The following P4HA3 variants were observed in gnomAD, a reference collection of about 807,000 sequenced individuals.
P4HA3 encodes the protein prolyl 4-hydroxylase subunit alpha-3.
Under a neutral mutation model 66.7 loss-of-function variants are expected in P4HA3, and 60 were observed. The ratio of observed to expected loss-of-function variants is 0.90; its 90% CI spans 0.73 to 1.12. The LOEUF (loss-of-function observed/expected upper bound fraction) is 1.12, where lower values mean the gene tolerates loss of function less well. Among genes scored for constraint, P4HA3 ranks in the 50% most tolerant of loss-of-function variants. The pLI, the probability that P4HA3 is intolerant of heterozygous loss-of-function variation, is 0.00. For missense variants in P4HA3, 683 were observed against 685.8 expected, an observed-to-expected ratio of 1.00 and a Z score of 0.05; for synonymous variants, 263 against 274.6, an observed-to-expected ratio of 0.96 and a Z score of 0.42.
chr11:74,268,242 C>A lies in P4HA3; in HGVS notation c.1468-1G>T, dbSNP rs1215271969. On this transcript the variant is annotated splice_acceptor_variant, in intron 11 of 12. Transcript: ENST00000331597. LOFTEE classifies it high-confidence loss of function. ...GGTTCCACCAAAACAGTGCTGCATT[C>A]TGAAACAAGAGGGCCCAGCCCCAGG... 3.7e-6 allele frequency: 6 copies of A among 1,612,926 alleles called. No homozygotes were observed. The highest frequency in any genetic ancestry group is 5.1e-6 in the Non-Finnish European group (6 of 1,179,556).
intron 9 of P4HA3, among the ~76,000 whole-genome samples, chr11:74,276,124 G>C (rs1297291742): frequency 6.6e-6 from 1 of 152,164 alleles, no homozygotes; most frequent in East Asian, 1.9e-4. Flanking sequence ...CATAAAGATG[G>C]AGGTAACAAA....
At chr11:74,277,200 G>A in intron 8 of P4HA3, 56 bp from the exon 9 acceptor site, 2 of 1,554,008 alleles carry the variant, frequency 1.3e-6, no homozygotes, top group Non-Finnish European at 8.8e-7. Flanking sequence ...ATGACTAAAT[G>A]ACGTCTCTGA....
At chr11:74,270,675 T>C (rs989280642) in intron 10 of P4HA3, among the ~76,000 whole-genome samples, 2 of 152,172 alleles carry the variant, frequency 1.3e-5, no homozygotes, top group African/African-American at 4.8e-5. Flanking sequence ...CTTCACATTT[T>C]ACAGATAAAG....
At chr11:74,304,492 T>G in intron 1 of P4HA3, 80 bp from the exon 2 acceptor site, 6 of 1,487,988 alleles carry the variant, frequency 4.0e-6, no homozygotes, top group Non-Finnish European at 5.5e-6. Context: ...GTGTGTACAT[T>G]AAGAGTAGCT....
chr11:74,296,242 C>T (rs912827536), intron 4 of P4HA3, among the ~76,000 whole-genome samples: 3 of 152,158 alleles, frequency 2.0e-5, no homozygotes, highest in African/African-American at 7.2e-5. Context: ...AACTGAGGCC[C>T]AGGGAAGCTA....
intron 9 of P4HA3, among the ~76,000 whole-genome samples, chr11:74,276,738 G>A (rs913103223): frequency 1.3e-5 from 2 of 152,138 alleles, no homozygotes; most frequent in East Asian, 1.9e-4. Context: ...GGAGCAGTCC[G>A]ATGATTCCAT....
At position 74,269,724 on chromosome 11, in the gene P4HA3, C is replaced by T. The variant is rs1425353602; in HGVS notation, c.1399-4G>A. On this transcript the variant is annotated splice_polypyrimidine_tract_variant and splice_region_variant and intron_variant, in intron 10 of 12. Transcript: ENST00000331597. ...CTCCAGCTTCCACCGAGCTCAGCTA[C>T]AAGACCAGAGGAAGAAGCCAGAGTT... is the stretch of plus-strand genomic sequence containing the variant. 1 of 1,613,830 alleles carries T rather than the reference C, an allele frequency of 6.2e-7. No homozygotes were observed. The highest frequency in any genetic ancestry group is 1.3e-5 in the African/African-American group (1 of 75,048).
At chr11:74,282,047 G>A (rs1473491187) in intron 7 of P4HA3, among the ~76,000 whole-genome samples, 1 of 150,952 alleles carries the variant, frequency 6.6e-6, no homozygotes, top group African/African-American at 2.4e-5. Flanking sequence ...TGTCCCTGGT[G>A]TCCTGTCCTG....
intron 10 of P4HA3, among the ~76,000 whole-genome samples, chr11:74,272,174 G>A (rs140041028): frequency 1.4e-3 from 219 of 151,852 alleles, no homozygotes; most frequent in Non-Finnish European, 2.7e-3. Context: ...AAATGCACAT[G>A]CATGCACACA....
At chr11:74,302,063 T>C (rs564811695) in intron 3 of P4HA3, among the ~76,000 whole-genome samples, 7 of 152,140 alleles carry the variant, frequency 4.6e-5, no homozygotes, top group Non-Finnish European at 8.8e-5. Context: ...CTAGCATAAT[T>C]AATAACACCC....
chr11:74,298,137 C>T, intron 4 of P4HA3, 75 bp downstream of exon 4: 1 of 1,518,848 alleles, frequency 6.6e-7, no homozygotes, highest in Non-Finnish European at 8.9e-7. Context: ...CATGAAAATA[C>T]TTAGAAATTG....
At position 74,267,134 on chromosome 11, in the gene P4HA3, T is replaced by G. The variant is rs1332439748; in HGVS notation, c.*114A>C. 1 of 1,564,736 alleles carries G rather than the reference T, an allele frequency of 6.4e-7. No individual in the cohort carries two copies. The highest frequency in any genetic ancestry group is 8.6e-7 in the Non-Finnish European group (1 of 1,158,308). On this transcript the variant is annotated 3_prime_UTR_variant, in exon 13 of 13. Coordinates refer to ENST00000331597, the MANE Select transcript of P4HA3 (RefSeq NM_182904.5). ...CTGATTTGCGAGGCACAGACAAAGC[T>G]GACAAGGCCTTCTTCCAGGAGGCTG...
intron 12 of P4HA3, 87 bp downstream of exon 12, chr11:74,268,058 A>T (rs767662357): frequency 1.1e-5 from 13 of 1,144,376 alleles, no homozygotes; most frequent in Non-Finnish European, 1.7e-5. Context: ...TTGGAATGGG[A>T]TGGCTGTGGT....
rs1180247134 is a variant in P4HA3 at position 74,267,084 on chromosome 11, C to T, written c.*164G>A. The T allele has an allele frequency of 2.0e-6, 3 of 1,538,242 alleles. No individual in the cohort carries two copies. Among genetic ancestry groups the T allele is most frequent in the Non-Finnish European group, 2.6e-6 (3 of 1,147,266 alleles). On this transcript the variant is annotated 3_prime_UTR_variant, in exon 13 of 13. Coordinates refer to ENST00000331597, the MANE Select transcript of P4HA3 (RefSeq NM_182904.5). ...GATCAAATGTACATTCTCAGTGTCC[C>T]CTGGTAACAACCTCTCCCTTGCCTC...
rs1249794378 is a variant in P4HA3 at position 74,311,459 on chromosome 11, C to G, written c.153G>C (p.Leu51=). The change falls in exon 1 of 13, where the codon CTG becomes CTC. Residue 51 remains leucine, a synonymous_variant. Transcript: ENST00000331597. ...LAPERRLLGL[L]RRYLRGEEAR... is the part of the protein sequence containing the mutation. Reference sequence around the variant, plus strand: ...CCTCCTCCCCGCGCAGGTACCGCCTCAGCAGCCCCAGCAGCCGGCGCTCGG... The same window carrying G: ...CCTCCTCCCCGCGCAGGTACCGCCTGAGCAGCCCCAGCAGCCGGCGCTCGG... 3.9e-6 allele frequency: 6 copies of G among 1,536,512 alleles called. No individual in the cohort carries two copies. The highest frequency in any genetic ancestry group is 5.2e-6 in the Non-Finnish European group (6 of 1,148,650).
intron 10 of P4HA3, among the ~76,000 whole-genome samples, chr11:74,271,753 T>C (rs1220520891): frequency 2.0e-5 from 3 of 152,160 alleles, no homozygotes; most frequent in Non-Finnish European, 4.4e-5. Context: ...TTTCTCCCTA[T>C]AAAATCAGTC....
chr11:74,277,787 T>C, intron 8 of P4HA3, among the ~76,000 whole-genome samples: 1 of 152,234 alleles, frequency 6.6e-6, no homozygotes. Flanking sequence ...GTGGCAACTT[T>C]GGAATCAGAA....
intron 15 of P4HA3, among the ~76,000 whole-genome samples, chr11:74,259,431 T>A (rs575442595): frequency 2.2e-4 from 34 of 152,224 alleles, no homozygotes; most frequent in East Asian, 1.3e-3. Context: ...CAGGATTTTT[T>A]AAAAAAATAG....
chr11:74,281,869 T>TATA (rs57363098), intron 7 of P4HA3, among the ~76,000 whole-genome samples: 4,009 of 144,494 alleles, frequency 0.028, 91 homozygotes, highest in Middle Eastern at 0.06. Flanking sequence ...AAACTTAAAG[T>TATA]ATAATAATAA....
Sources: allele counts gnomAD v4.1 joint callset (sites outside exome capture counted in the v4.1 genomes callset), GRCh38; gene constraint gnomAD v4.1.1; transcripts MANE v1.5; gene names NCBI Gene and HGNC (gene_info 2026-07-23, HGNC 2026-07-21).